ABTB3: variants seen among roughly 807,000 people sequenced by gnomAD.
ABTB3 encodes ankyrin repeat and BTB domain containing 3.
the ABTB3 span, among the ~76,000 whole-genome samples, chr12:107,441,953 A>T: frequency 6.6e-6 from 1 of 151,932 alleles, no homozygotes; most frequent in Non-Finnish European, 1.5e-5. Flanking sequence ...GAAAAGAAAA[A>T]GGAAAAAGGA....
the ABTB3 span, among the ~76,000 whole-genome samples, chr12:107,556,926 T>C: frequency 6.6e-6 from 1 of 151,838 alleles, no homozygotes; most frequent in African/African-American, 2.4e-5. Flanking sequence ...GCAGGAGAAT[T>C]GCTTGAACCT....
chr12:107,540,876 C>T, the ABTB3 span, among the ~76,000 whole-genome samples: 1 of 152,138 alleles, frequency 6.6e-6, no homozygotes, highest in African/African-American at 2.4e-5. Flanking sequence ...TGGCTTGTGA[C>T]TGTAGTTCCA....
At chr12:107,600,920 A>C in the ABTB3 span, among the ~76,000 whole-genome samples, 32 of 152,306 alleles carry the variant, frequency 2.1e-4, no homozygotes, top group African/African-American at 6.7e-4. Context: ...ACTTGGCAGC[A>C]AGGAAAGACC....
the ABTB3 span, among the ~76,000 whole-genome samples, chr12:107,321,577 C>A: frequency 2.0e-5 from 3 of 150,468 alleles, no homozygotes; most frequent in Non-Finnish European, 4.4e-5. Flanking sequence ...CAGGGCACAA[C>A]CCTCAAAGAG....
At chr12:107,629,659 C>T in the ABTB3 span, among the ~76,000 whole-genome samples, 1 of 144,282 alleles carries the variant, frequency 6.9e-6, no homozygotes, top group Non-Finnish European at 1.5e-5. Flanking sequence ...CCAGGTCAGA[C>T]CCTGCATGTG....
chr12:107,582,180 C>T, the ABTB3 span, among the ~76,000 whole-genome samples: 1 of 152,292 alleles, frequency 6.6e-6, no homozygotes, highest in South Asian at 2.1e-4. Flanking sequence ...AGCTGTCCCT[C>T]AGCCCAAGAA....
At chr12:107,462,736 G>A in the ABTB3 span, among the ~76,000 whole-genome samples, 3 of 151,786 alleles carry the variant, frequency 2.0e-5, no homozygotes, top group African/African-American at 7.3e-5. Context: ...CAGTGATGAT[G>A]ATGGTGGTGA....
At chr12:107,580,512 T>C in the ABTB3 span, 1 of 170,112 alleles carries the variant, frequency 5.9e-6, no homozygotes, top group Non-Finnish European at 1.3e-5. Flanking sequence ...GGGCCTCGAA[T>C]TGTGGGCGCC....
chr12:107,347,519 C>A, the ABTB3 span, among the ~76,000 whole-genome samples: 1 of 152,094 alleles, frequency 6.6e-6, no homozygotes, highest in South Asian at 2.1e-4. Flanking sequence ...TGCCTTGATG[C>A]GTTTCGACCC....
chr12:107,319,014 C>G, the ABTB3 span: 1 of 1,613,498 alleles, frequency 6.2e-7, no homozygotes, highest in Admixed American at 1.7e-5. Flanking sequence ...TATGGTGGCG[C>G]GGCGGACTCG....
At chr12:107,498,294 T>C in the ABTB3 span, among the ~76,000 whole-genome samples, 1 of 152,150 alleles carries the variant, frequency 6.6e-6, no homozygotes, top group African/African-American at 2.4e-5. Flanking sequence ...AGTTTTAAAG[T>C]GAAATTAGAT....
chr12:107,434,547 T>C, the ABTB3 span, among the ~76,000 whole-genome samples: 1,941 of 152,224 alleles, frequency 0.013, 47 homozygotes, highest in African/African-American at 0.044. Context: ...ATTCAATGTC[T>C]GAGAACTATA....
At chr12:107,475,340 A>T in the ABTB3 span, among the ~76,000 whole-genome samples, 1 of 152,204 alleles carries the variant, frequency 6.6e-6, no homozygotes, top group Non-Finnish European at 1.5e-5. Context: ...TCAAGTTCTC[A>T]TGATTACCAA....
the ABTB3 span, among the ~76,000 whole-genome samples, chr12:107,513,000 A>G: frequency 3.3e-5 from 5 of 152,220 alleles, no homozygotes; most frequent in Non-Finnish European, 4.4e-5. Context: ...AACCCAGGCA[A>G]TGTCAACCCC....
chr12:107,432,826 C>T, the ABTB3 span, among the ~76,000 whole-genome samples: 1 of 152,066 alleles, frequency 6.6e-6, no homozygotes, highest in African/African-American at 2.4e-5. Context: ...TAACAAGCTC[C>T]CCCCGAGGTT....
the ABTB3 span, among the ~76,000 whole-genome samples, chr12:107,401,722 TC>T: frequency 1.1e-4 from 16 of 152,334 alleles, no homozygotes; most frequent in African/African-American, 3.8e-4. Context: ...AATGTTAATC[TC>T]CATGTGGGGG....
At chr12:107,326,518 A>G in the ABTB3 span, among the ~76,000 whole-genome samples, 1 of 152,298 alleles carries the variant, frequency 6.6e-6, no homozygotes, top group East Asian at 1.9e-4. Flanking sequence ...CATTGACCAG[A>G]TGTATCATTG....
the ABTB3 span, among the ~76,000 whole-genome samples, chr12:107,363,667 C>T: frequency 6.6e-6 from 1 of 152,176 alleles, no homozygotes; most frequent in South Asian, 2.1e-4. Context: ...GCCATATAAG[C>T]TGAAACTAGG....
chr12:107,619,270 G>A, the ABTB3 span, among the ~76,000 whole-genome samples: 2 of 152,150 alleles, frequency 1.3e-5, no homozygotes, highest in Non-Finnish European at 1.5e-5. Flanking sequence ...AGCAAGACAC[G>A]TCCTCCTCTG....
Sources: allele counts gnomAD v4.1 joint callset (sites outside exome capture counted in the v4.1 genomes callset), GRCh38; gene constraint gnomAD v4.1.1; transcripts MANE v1.5; gene names NCBI Gene and HGNC (gene_info 2026-07-23, HGNC 2026-07-21).